EXOSC10: variants seen among roughly 807,000 people sequenced by gnomAD.
EXOSC10 encodes the protein exosome complex component 10.
A neutral mutation model predicts 126.6 loss-of-function variants in EXOSC10; 94 were observed. The observed-to-expected ratio is 0.74, with a 90% CI of 0.63 to 0.88. The LOEUF (loss-of-function observed/expected upper bound fraction) is 0.88. Among genes scored for constraint, EXOSC10 ranks in the 40% least tolerant of loss-of-function variants. EXOSC10 has a pLI of 0.00. For synonymous variants in EXOSC10, 395 were observed against 400.8 expected (o/e 0.99, Z 0.17); for missense variants, 1,041 against 1,100.5 (o/e 0.95, Z 0.77).
At position 11,080,866 on chromosome 1, in the gene EXOSC10, T is replaced by G. The variant is rs756550367; in HGVS notation, c.1484A>C (p.Tyr495Ser). ...IFTDESYLELYRKQKKHLNTQ... is the reference protein window; with the variant it reads ...IFTDESYLELSRKQKKHLNTQ... ...GTTAAGGTGCTTCTTCTGCTTCCTA[T>G]AGAGTTCAAGGTAGGACTCATCCGT... Residue 495 changes from tyrosine to serine, a missense_variant, in exon 12 of 25, where the codon TAT becomes TCT. By Grantham distance (144) the Tyr-to-Ser change is moderately radical. Coordinates refer to ENST00000376936, the MANE Select transcript of EXOSC10 (RefSeq NM_001001998.3). The G allele has an allele frequency of 6.2e-7, 1 of 1,614,024 alleles. No homozygotes were observed. The highest frequency in any genetic ancestry group is 8.5e-7 in the Non-Finnish European group (1 of 1,179,976).
intron 19 of EXOSC10, chr1:11,072,545 T>C: frequency 5.5e-6 from 1 of 182,246 alleles, no homozygotes; most frequent in Non-Finnish European, 1.2e-5. Flanking sequence ...AGGCTGGGCT[T>C]CCGCAAGTCT....
intron 6 of EXOSC10, among the ~76,000 whole-genome samples, chr1:11,088,688 C>T (rs1473755280): frequency 2.0e-5 from 3 of 152,180 alleles, no homozygotes; most frequent in Non-Finnish European, 4.4e-5. Context: ...GCAGGGCTGC[C>T]TTTCATGGCC....
chr1:11,090,562 C>A lies in EXOSC10; in HGVS notation c.750G>T (p.Glu250Asp). 1 of 1,613,884 alleles carries A rather than the reference C, an allele frequency of 6.2e-7. No homozygotes were observed. Among genetic ancestry groups the A allele is most frequent in the African/African-American group, 1.3e-5 (1 of 75,064 alleles). The change falls in exon 6 of 25, where the codon GAG becomes GAT. Residue 250 changes from glutamate to aspartate, a missense_variant. Glu to Asp is a conservative substitution (Grantham distance 45). Transcript: ENST00000376936. ...FIHQQRTQQV[E>D]QDMFAHPYQY... ...CACAGGCCAACACTTACATGTCTTG[C>A]TCAACCTGCTGGGTTCTCTGCTGAT...
At chr1:11,093,837 G>T (rs770404887) in intron 3 of EXOSC10, among the ~76,000 whole-genome samples, 4 of 151,638 alleles carry the variant, frequency 2.6e-5, no homozygotes, top group South Asian at 2.1e-4. Context: ...AGGCTGAGGT[G>T]GGGGGGGATT....
At chr1:11,073,887 A>AT in intron 19 of EXOSC10, 47 bp downstream of exon 19, 1 of 1,236,666 alleles carries the variant, frequency 8.1e-7, no homozygotes, top group Non-Finnish European at 1.1e-6. Context: ...CAAAAAAAAA[A>AT]AAAAAAAAAA....
intron 3 of EXOSC10, among the ~76,000 whole-genome samples, chr1:11,093,505 A>T (rs1402853687): frequency 6.6e-6 from 1 of 152,218 alleles, no homozygotes. Context: ...AGATGACTTC[A>T]TGGGACAGGA....
At position 11,076,882 on chromosome 1, in the gene EXOSC10, G is replaced by A; in HGVS notation, c.1946C>T (p.Thr649Ile). The A allele has an allele frequency of 6.2e-7, 1 of 1,613,800 alleles. No homozygotes were observed. Among genetic ancestry groups the A allele is most frequent in the Non-Finnish European group, 8.5e-7 (1 of 1,180,024 alleles). The part of the protein sequence containing the change: ...PDEKEDNLLG[T>I]TCLIATAVIT... ...GACAGCTGTGGCAATCAGGCATGTGGTACCCAGCAAGTTATCTTCTTTTTC... is the reference window on the plus strand; with the variant it reads ...GACAGCTGTGGCAATCAGGCATGTGATACCCAGCAAGTTATCTTCTTTTTC... The change falls in exon 17 of 25, where the codon ACC (threonine) becomes ATC (isoleucine). Residue 649 changes from threonine (T) to isoleucine (I), a missense_variant. Thr to Ile is a moderately conservative substitution (Grantham distance 89). Around this residue, in one of 3 missense-constraint regions of EXOSC10, gnomAD observed 388 missense variants for 415.2 expected, o/e 0.93. Coordinates refer to ENST00000376936, the MANE Select transcript of EXOSC10 (RefSeq NM_001001998.3).
chr1:11,091,325 G>T, intron 4 of EXOSC10, 146 bp from the exon 5 acceptor site: 1 of 973,480 alleles, frequency 1.0e-6, no homozygotes. Context: ...GAGGTCTCCA[G>T]AAAGAGAAGA....
At chr1:11,079,670 A>T in intron 14 of EXOSC10, 41 bp downstream of exon 14, 1 of 1,533,492 alleles carries the variant, frequency 6.5e-7, no homozygotes, top group Non-Finnish European at 9.0e-7. Context: ...CTGAGATTAT[A>T]GGCGTGAGCC....
chr1:11,091,183 T>C lies in EXOSC10; in HGVS notation c.478-4A>G. The C allele has an allele frequency of 6.2e-7, 1 of 1,611,212 alleles. No homozygotes were observed. The highest frequency in any genetic ancestry group is 8.5e-7 in the Non-Finnish European group (1 of 1,179,026). Reference sequence around the variant, plus strand: ...CTTTTTTGCCATATTCTGCTGCCTATGATCAATGAATACAAATACTTTATA... The same window carrying C: ...CTTTTTTGCCATATTCTGCTGCCTACGATCAATGAATACAAATACTTTATA... On this transcript the variant is annotated splice_polypyrimidine_tract_variant and splice_region_variant and intron_variant, in intron 4 of 24. Coordinates refer to ENST00000376936, the MANE Select transcript of EXOSC10 (RefSeq NM_001001998.3).
At chr1:11,077,000 T>C (rs776529475) in intron 16 of EXOSC10, 52 bp from the exon 17 acceptor site, 10 of 1,479,802 alleles carry the variant, frequency 6.8e-6, no homozygotes, top group Non-Finnish European at 8.4e-6. Context: ...TTGTTTATTT[T>C]TTCTTTTTGA....
intron 11 of EXOSC10, 77 bp downstream of exon 11, chr1:11,081,005 A>T (rs1640133624): frequency 2.5e-6 from 4 of 1,587,522 alleles, no homozygotes; most frequent in Non-Finnish European, 2.6e-6. Flanking sequence ...GAATGTAAGG[A>T]GCAAACCTAA....
Position 11,090,672 on chromosome 1 carries a change from G to A in EXOSC10, c.644-4C>T, listed in dbSNP as rs368131245. On this transcript the variant is annotated splice_region_variant and splice_polypyrimidine_tract_variant and intron_variant, in intron 5 of 24. Transcript: ENST00000376936. The stretch of plus-strand genomic sequence containing the variant: ...TCCCGCCTTTCCTTAGAGAGAGCTG[G>A]GGATCCCAGCAGTGACAAAAACATC... 12 of 1,599,218 alleles carry A rather than the reference G, an allele frequency of 7.5e-6. No individual in the cohort carries two copies. The African/African-American group carries it at 1.5e-4, about 20-fold the overall frequency.
At chr1:11,071,936 C>T in intron 20 of EXOSC10, 151 bp downstream of exon 20, 1 of 626,422 alleles carries the variant, frequency 1.6e-6, no homozygotes, top group Non-Finnish European at 2.8e-6. Context: ...TGCCATCTGC[C>T]AGGATAGATA....
chr1:11,068,804 C>G, intron 22 of EXOSC10, 98 bp from the exon 23 acceptor site: 1 of 984,310 alleles, frequency 1.0e-6, no homozygotes, highest in East Asian at 2.4e-5. Flanking sequence ...CTCAGGGAAG[C>G]CTTGGCTGTG....
At chr1:11,088,986 C>T (rs554095307) in intron 6 of EXOSC10, among the ~76,000 whole-genome samples, 12 of 152,060 alleles carry the variant, frequency 7.9e-5, no homozygotes, top group Admixed American at 3.9e-4. Context: ...TCTGGAAAGT[C>T]GAGGCAGGAG....
chr1:11,071,896 T>G, intron 20 of EXOSC10, 191 bp downstream of exon 20: 1 of 533,992 alleles, frequency 1.9e-6, no homozygotes, highest in Non-Finnish European at 3.3e-6. Context: ...CCTCCAGCAC[T>G]CCCCACCAAT....
At chr1:11,071,189 C>T in intron 20 of EXOSC10, 2 of 546,890 alleles carry the variant, frequency 3.7e-6, no homozygotes, top group Non-Finnish European at 6.5e-6. Context: ...AGCTGATCCT[C>T]CCCAGCCCTG....
chr1:11,071,306 C>T (rs2100949801), intron 20 of EXOSC10: 2 of 312,436 alleles, frequency 6.4e-6, no homozygotes, highest in South Asian at 1.8e-4. Context: ...AAACCAGCTA[C>T]TTTGGCTGCC....
Sources: gnomAD v4.1 joint callset for allele counts (sites outside exome capture counted in the v4.1 genomes callset) on GRCh38, gnomAD v4.1.1 for gene constraint, gnomAD v4.1.1 regional missense constraint, MANE v1.5 for transcripts, NCBI Gene and HGNC (gene_info 2026-07-23, HGNC 2026-07-21) for gene names.